Variants in OR10J1 observed in about 807,000 individuals in gnomAD.
OR10J1 encodes olfactory receptor 10J1.
For missense variants in OR10J1, 474 were observed against 376.6 expected, an observed-to-expected ratio of 1.26 and a Z score of -2.14; for synonymous variants, 202 against 143.8, an observed-to-expected ratio of 1.40 and a Z score of -2.89.
the OR10J1 span, among the ~76,000 whole-genome samples, chr1:159,418,612 C>T: frequency 2.0e-5 from 3 of 152,190 alleles, no homozygotes; most frequent in African/African-American, 4.8e-5. Context: ...TCACAGAGAA[C>T]CTCTGCTTGG....
chr1:159,440,595 A>C lies in OR10J1; in HGVS notation c.804A>C (p.Glu268Asp), dbSNP rs377127559. The stretch of plus-strand genomic sequence containing the variant: ...AGCCCAAGTCAGAGAACACCAGAGA[A>C]CATGACCAGCTGATCTCGGTGACCT... The part of the protein sequence containing the change: ...YLKPKSENTR[E>D]HDQLISVTYT... The change falls in exon 1 of 1, where the codon GAA becomes GAC. Residue 268 changes from glutamate (E) to aspartate (D), a missense_variant. By Grantham distance (45) the Glu-to-Asp change is conservative. Coordinates refer to ENST00000423932, the MANE Select transcript of OR10J1 (RefSeq NM_012351.3). The C allele has an allele frequency of 6.2e-7, 1 of 1,613,026 alleles. No individual in the cohort carries two copies.
At chr1:159,434,023 A>G (rs1420019016), upstream of OR10J1, among the ~76,000 whole-genome samples, 1 of 152,128 alleles carries the variant, frequency 6.6e-6, no homozygotes, top group African/African-American at 2.4e-5. Context: ...TCTTTGTGAC[A>G]TCTCCTTTTG....
the OR10J1 span, chr1:159,406,082 C>A: frequency 4.6e-6 from 2 of 430,314 alleles, no homozygotes; most frequent in Non-Finnish European, 4.6e-6. Flanking sequence ...CACAGCCTTG[C>A]ATGACAATAA....
the OR10J1 span, among the ~76,000 whole-genome samples, chr1:159,409,343 C>T: frequency 6.6e-6 from 1 of 152,094 alleles, no homozygotes; most frequent in Non-Finnish European, 1.5e-5. Context: ...CGATTAAACC[C>T]ATCTCCGCTT....
chr1:159,403,522 G>A, the OR10J1 span, among the ~76,000 whole-genome samples: 11 of 152,164 alleles, frequency 7.2e-5, no homozygotes, highest in East Asian at 1.9e-4. Flanking sequence ...TGTGCTCAAC[G>A]TCATTGATCA....
rs1437502248 is a variant in OR10J1, at chr1:159,440,516, C to T, written c.725C>T (p.Ser242Phe). ...GRKKAFATCA[S>F]HLTVVIVHYS... ...AAGAAGGCTTTTGCCACCTGTGCATCCCACCTCACTGTGGTCATTGTCCAC... is the reference window on the plus strand; with the variant it reads ...AAGAAGGCTTTTGCCACCTGTGCATTCCACCTCACTGTGGTCATTGTCCAC... The change falls in exon 1 of 1, where the codon TCC becomes TTC. Residue 242 changes from serine (S) to phenylalanine (F), a missense_variant. Physicochemically the swap from Ser to Phe is radical, Grantham distance 155. Coordinates refer to ENST00000423932, the MANE Select transcript of OR10J1 (RefSeq NM_012351.3). 6.2e-7 allele frequency: 1 copy of T among 1,614,084 alleles called. No individual in the cohort carries two copies. Among genetic ancestry groups the T allele is most frequent in the Non-Finnish European group, 8.5e-7 (1 of 1,179,996 alleles).
At chr1:159,401,161 A>T in the OR10J1 span, among the ~76,000 whole-genome samples, 1 of 151,928 alleles carries the variant, frequency 6.6e-6, no homozygotes, top group Non-Finnish European at 1.5e-5. Context: ...AAAGAGAAAA[A>T]ACTTCAAAAA....
At chr1:159,432,863 C>T (rs1217892982), upstream of OR10J1, 5 of 413,474 alleles carry the variant, frequency 1.2e-5, no homozygotes. Context: ...CTCCTATGTC[C>T]TAATTGTCAC....
chr1:159,439,310 A>G (rs1170811634), upstream of OR10J1, among the ~76,000 whole-genome samples: 2 of 152,204 alleles, frequency 1.3e-5, no homozygotes, highest in African/African-American at 2.4e-5. Flanking sequence ...GTGAAATATG[A>G]AAAGATGTAA....
the OR10J1 span, among the ~76,000 whole-genome samples, chr1:159,404,827 A>T: frequency 7.9e-5 from 12 of 152,164 alleles, no homozygotes; most frequent in Non-Finnish European, 1.6e-4. Context: ...TAAGATAGGG[A>T]TGATAACATA....
the OR10J1 span, among the ~76,000 whole-genome samples, chr1:159,431,618 T>C: frequency 6.5e-4 from 99 of 152,334 alleles, no homozygotes; most frequent in Admixed American, 1.1e-3. Flanking sequence ...GTTAGGGGTC[T>C]CCAATACATA....
chr1:159,428,183 A>G, the OR10J1 span, among the ~76,000 whole-genome samples: 1 of 152,198 alleles, frequency 6.6e-6, no homozygotes, highest in Non-Finnish European at 1.5e-5. Flanking sequence ...ACCAAATGCA[A>G]TGTGAAGAGA....
At chr1:159,419,553 C>A in the OR10J1 span, among the ~76,000 whole-genome samples, 1 of 152,150 alleles carries the variant, frequency 6.6e-6, no homozygotes, top group Non-Finnish European at 1.5e-5. Context: ...TTATAAATTA[C>A]CCAGTCTCAG....
At position 159,439,878 on chromosome 1, in the gene OR10J1, C is replaced by T. The variant is rs116409990; in HGVS notation, c.87C>T (p.Gly29=). 42 of 1,614,024 alleles carry T rather than the reference C, an allele frequency of 2.6e-5. No individual in the cohort carries two copies. The highest frequency in any genetic ancestry group is 4.5e-5 in the East Asian group (2 of 44,898). ...SFHEQQITLF[G]VFLALYILTL... ...ATGAGCAGCAGATCACCCTTTTTGG[C>T]GTGTTCCTTGCACTATACATCTTAA... Residue 29 remains glycine, a synonymous_variant, in exon 1 of 1, where the codon GGC becomes GGT. Coordinates refer to ENST00000423932, the MANE Select transcript of OR10J1 (RefSeq NM_012351.3).
chr1:159,401,143 C>CAA, the OR10J1 span, among the ~76,000 whole-genome samples: 3 of 141,404 alleles, frequency 2.1e-5, no homozygotes, highest in Admixed American at 7.1e-5. Flanking sequence ...GTGCCTGCAC[C>CAA]AAAAAAAAAA....
chr1:159,411,943 C>T, the OR10J1 span, among the ~76,000 whole-genome samples: 1 of 152,072 alleles, frequency 6.6e-6, no homozygotes, highest in East Asian at 1.9e-4. Flanking sequence ...AAACCCCATT[C>T]TCTCAGCCCA....
At chr1:159,426,736 G>T in the OR10J1 span, among the ~76,000 whole-genome samples, 1 of 151,576 alleles carries the variant, frequency 6.6e-6, no homozygotes, top group East Asian at 1.9e-4. Context: ...TCTCAATATT[G>T]ATATTATGTA....
upstream of OR10J1, chr1:159,432,862 C>T (rs1655612935): frequency 2.4e-6 from 1 of 413,410 alleles, no homozygotes; most frequent in Non-Finnish European, 4.3e-6. Flanking sequence ...TCTCCTATGT[C>T]CTAATTGTCA....
chr1:159,430,601 C>T, the OR10J1 span, among the ~76,000 whole-genome samples: 1 of 150,090 alleles, frequency 6.7e-6, no homozygotes, highest in Admixed American at 6.7e-5. Flanking sequence ...CAACAACCAT[C>T]CATGAACATG....
Sources: allele counts gnomAD v4.1 joint callset (sites outside exome capture counted in the v4.1 genomes callset), GRCh38; gene constraint gnomAD v4.1.1; transcripts MANE v1.5; gene names NCBI Gene and HGNC (gene_info 2026-07-23, HGNC 2026-07-21).